FALEC: variants seen among roughly 807,000 people sequenced by gnomAD.
The protein encoded by FALEC is focally amplified lncRNA regulator of ECM1.
At chr1:150,518,181 A>G (rs907040791), downstream of FALEC, 1 of 152,152 alleles carries the variant, frequency 6.6e-6, no homozygotes, top group African/African-American at 2.4e-5. Flanking sequence ...GAAATTTTTC[A>G]TGATAAAATA....
the FALEC span, among the ~76,000 whole-genome samples, chr1:150,527,233 G>A: frequency 6.6e-6 from 1 of 151,760 alleles, no homozygotes. Flanking sequence ...GAGCCACCAC[G>A]CCTGGCCTAT....
At chr1:150,521,086 C>G (rs1177882739), downstream of FALEC, among the ~76,000 whole-genome samples, 2 of 152,120 alleles carry the variant, frequency 1.3e-5, no homozygotes, top group Non-Finnish European at 2.9e-5. Context: ...CAGGCGTGAG[C>G]CACCACGCCC....
downstream of FALEC, among the ~76,000 whole-genome samples, chr1:150,522,507 C>T (rs1317131508): frequency 2.6e-5 from 4 of 151,492 alleles, no homozygotes; most frequent in Non-Finnish European, 5.9e-5. Context: ...CCTGTAGTCC[C>T]AGCTACTCAG....
the FALEC span, among the ~76,000 whole-genome samples, chr1:150,532,877 C>G: frequency 3.3e-5 from 5 of 152,308 alleles, no homozygotes; most frequent in African/African-American, 1.2e-4. Flanking sequence ...ACACATGCCC[C>G]TTTCTAATGC....
At chr1:150,529,191 C>T in the FALEC span, among the ~76,000 whole-genome samples, 3 of 152,030 alleles carry the variant, frequency 2.0e-5, no homozygotes, top group Non-Finnish European at 4.4e-5. Flanking sequence ...ATTGTGGGAA[C>T]GGGGTGTGAG....
the FALEC span, among the ~76,000 whole-genome samples, chr1:150,523,591 T>C: frequency 6.7e-6 from 1 of 149,462 alleles, no homozygotes; most frequent in Non-Finnish European, 1.5e-5. Flanking sequence ...GAGGCAGAGG[T>C]TGTAGTGAGC....
chr1:150,525,817 A>C, the FALEC span, among the ~76,000 whole-genome samples: 1 of 152,096 alleles, frequency 6.6e-6, no homozygotes, highest in African/African-American at 2.4e-5. Flanking sequence ...ATACCTGGCT[A>C]ATTTTGTAGA....
At chr1:150,521,060 C>G (rs917083480), downstream of FALEC, among the ~76,000 whole-genome samples, 2 of 152,162 alleles carry the variant, frequency 1.3e-5, no homozygotes, top group Admixed American at 1.3e-4. Context: ...CTCAGCCTCT[C>G]AAAGTGCTGG....
chr1:150,516,566 G>A (rs1570890462), intron 1 of FALEC, among the ~76,000 whole-genome samples: 1 of 152,206 alleles, frequency 6.6e-6, no homozygotes, highest in African/African-American at 2.4e-5. Flanking sequence ...TGGAAGCACG[G>A]GTAGCATTGC....
At chr1:150,520,635 C>G (rs996327950), downstream of FALEC, among the ~76,000 whole-genome samples, 6 of 152,014 alleles carry the variant, frequency 3.9e-5, no homozygotes, top group Non-Finnish European at 8.8e-5. Context: ...GAATAATGCA[C>G]AATTATTTCA....
chr1:150,534,138 C>G, the FALEC span, among the ~76,000 whole-genome samples: 7 of 152,132 alleles, frequency 4.6e-5, no homozygotes, highest in African/African-American at 1.7e-4. Flanking sequence ...CCAGGTGGCC[C>G]CACCCCACCC....
chr1:150,527,381 C>T, the FALEC span, among the ~76,000 whole-genome samples: 154 of 152,002 alleles, frequency 1.0e-3, no homozygotes, highest in African/African-American at 3.6e-3. Context: ...GCCTCAGCCT[C>T]CCGAGTAGCT....
At chr1:150,520,804 T>G (rs1670631858), downstream of FALEC, among the ~76,000 whole-genome samples, 1 of 138,002 alleles carries the variant, frequency 7.2e-6, no homozygotes, top group Non-Finnish European at 1.5e-5. Flanking sequence ...TTTTTTTTTT[T>G]TTTTTTGAGA....
chr1:150,519,503 C>T (rs1242834766), downstream of FALEC, among the ~76,000 whole-genome samples: 1 of 151,876 alleles, frequency 6.6e-6, no homozygotes, highest in Non-Finnish European at 1.5e-5. Context: ...GGCAGATCAC[C>T]TGAGGTGGGG....
At chr1:150,526,502 A>G in the FALEC span, among the ~76,000 whole-genome samples, 1 of 149,924 alleles carries the variant, frequency 6.7e-6, no homozygotes, top group South Asian at 2.1e-4. Context: ...CACGGCGAGT[A>G]TGTCGCTGTT....
the FALEC span, among the ~76,000 whole-genome samples, chr1:150,523,244 C>T: frequency 1.3e-5 from 2 of 148,722 alleles, no homozygotes; most frequent in African/African-American, 4.9e-5. Flanking sequence ...CCGCCCACCG[C>T]AGCCTCCCAA....
downstream of FALEC, chr1:150,518,040 A>G (rs1670593507): frequency 6.6e-6 from 1 of 152,234 alleles, no homozygotes; most frequent in Non-Finnish European, 1.5e-5. Context: ...TCTCCTAGAT[A>G]TCACAAATTC....
At chr1:150,526,371 T>C in the FALEC span, among the ~76,000 whole-genome samples, 1 of 133,646 alleles carries the variant, frequency 7.5e-6, no homozygotes, top group Non-Finnish European at 1.6e-5. Context: ...AAAAAAAAAG[T>C]TTTCTTTTGT....
the FALEC span, among the ~76,000 whole-genome samples, chr1:150,529,016 C>CAAAAAAAAAAAAAAAAAAAAAAA: frequency 3.7e-4 from 22 of 59,288 alleles, 2 homozygotes; most frequent in African/African-American, 8.5e-4. Context: ...AAATAAATAG[C>CAAAAAAAAAAAAAAAAAAAAAAA]AAAAAAAAAA....
Sources: allele counts gnomAD v4.1 joint callset (sites outside exome capture counted in the v4.1 genomes callset), GRCh38; gene constraint gnomAD v4.1.1; transcripts MANE v1.5; gene names NCBI Gene and HGNC (gene_info 2026-07-23, HGNC 2026-07-21).